Variants in SNTB2 observed in about 807,000 individuals in gnomAD.
SNTB2 encodes syntrophin beta 2, also known as beta-2-syntrophin.
A neutral mutation model predicts 46.2 loss-of-function variants in SNTB2; 34 were observed. That is an observed-to-expected ratio of 0.74 (90% CI 0.56 to 0.98). SNTB2 has a LOEUF of 0.98. Ranked by LOEUF, SNTB2 falls within the 50% of genes least tolerant of loss-of-function variation. SNTB2 has a pLI of 0.00. For missense variants in SNTB2, 603 were observed against 731.4 expected (o/e 0.82, Z 2.02); for synonymous variants, 290 against 312.6 (o/e 0.93, Z 0.76).
chr16:69,214,526 T>C (rs866731027), intron 1 of SNTB2, among the ~76,000 whole-genome samples: 27 of 151,786 alleles, frequency 1.8e-4, no homozygotes, highest in African/African-American at 3.9e-4. Context: ...TATATGTACA[T>C]ATGTGTGTAT....
intron 3 of SNTB2, among the ~76,000 whole-genome samples, chr16:69,263,297 A>C (rs1181105925): frequency 5.9e-5 from 9 of 151,954 alleles, no homozygotes; most frequent in Admixed American, 5.9e-4. Flanking sequence ...TTTTGTAGAG[A>C]TAGGATCTCA....
In SNTB2 at chr16:69,304,580, AT is replaced by A. The variant is rs1210803550; in HGVS notation, c.*3659del. Reference sequence around the variant, plus strand: ...AACATTATTACTGATTGTTTTCCTAATTTATCCTCCTAAGTTGAATGGTAAC... The same window carrying A: ...AACATTATTACTGATTGTTTTCCTAATTATCCTCCTAAGTTGAATGGTAAC... On this transcript the variant is annotated 3_prime_UTR_variant, in exon 7 of 7. Coordinates refer to ENST00000336278, the MANE Select transcript of SNTB2 (RefSeq NM_006750.4). The A allele has an allele frequency of 6.6e-6, 1 of 152,348 alleles. No homozygotes were observed. Among genetic ancestry groups the A allele is most frequent in the Admixed American group, 6.5e-5 (1 of 15,276 alleles). 9.4% of individuals were successfully genotyped at this position (152,348 alleles called of 1,614,324 possible).
chr16:69,202,065 T>C (rs1188378078), intron 1 of SNTB2, among the ~76,000 whole-genome samples: 1 of 152,196 alleles, frequency 6.6e-6, no homozygotes, highest in East Asian at 1.9e-4. Context: ...GTGTCTGTGA[T>C]GTTTAGCTGT....
At chr16:69,212,400 G>A (rs908000503) in intron 1 of SNTB2, among the ~76,000 whole-genome samples, 6 of 152,012 alleles carry the variant, frequency 3.9e-5, no homozygotes, top group East Asian at 3.9e-4. Context: ...CTGCAGTGGC[G>A]TGATCTCAGC....
rs1965272272 is a variant in SNTB2 at position 69,300,900 on chromosome 16, C to T, written c.1599C>T (p.Val533=). 2.5e-6 allele frequency: 4 copies of T among 1,612,828 alleles called. No individual in the cohort carries two copies. The highest frequency in any genetic ancestry group is 3.4e-6 in the Non-Finnish European group (4 of 1,179,040). The change falls in exon 7 of 7, where the codon GTC becomes GTT. Residue 533 remains valine, a synonymous_variant. Transcript: ENST00000336278. ...TGCACACGTTTTTATCGGCCAAAGT[C>T]ACTCGTATGGGACTGCTTGTATGAG... ...FVLHTFLSAK[V]TRMGLLV
At chr16:69,216,684 C>T (rs1486518116) in intron 1 of SNTB2, among the ~76,000 whole-genome samples, 1 of 142,072 alleles carries the variant, frequency 7.0e-6, no homozygotes, top group Non-Finnish European at 1.5e-5. Context: ...TGAGACCCTG[C>T]CCCCCCCCCA....
rs1830342079 is a variant in SNTB2, at chr16:69,307,850, T to C, written c.*6926T>C. 6.6e-6 allele frequency: 1 copy of C among 152,154 alleles called. No homozygotes were observed. The highest frequency in any genetic ancestry group is 2.1e-4 in the South Asian group (1 of 4,824). 9.4% of individuals were successfully genotyped at this position (152,154 alleles called of 1,614,324 possible). On this transcript the variant is annotated 3_prime_UTR_variant, in exon 7 of 7. Transcript: ENST00000336278. ...ATAAAAATTAACAAAATTTCACTTA[T>C]TCCAGGACACGCTGGCATTTGGACT... is the stretch of plus-strand genomic sequence containing the variant.
At chr16:69,233,851 C>T (rs1242057805) in intron 1 of SNTB2, among the ~76,000 whole-genome samples, 2 of 151,960 alleles carry the variant, frequency 1.3e-5, no homozygotes, top group Non-Finnish European at 2.9e-5. Flanking sequence ...GTGGTGCATA[C>T]CTGTAGTCCT....
intron 5 of SNTB2, among the ~76,000 whole-genome samples, chr16:69,295,514 C>T (rs535698080): frequency 3.3e-5 from 5 of 151,962 alleles, no homozygotes; most frequent in Non-Finnish European, 7.4e-5. Context: ...TCCCAAAGTG[C>T]TGGGATTACA....
intron 1 of SNTB2, among the ~76,000 whole-genome samples, chr16:69,205,307 G>A (rs1167177524): frequency 2.0e-5 from 3 of 147,626 alleles, no homozygotes; most frequent in Non-Finnish European, 4.5e-5. Context: ...GCGCCACCAC[G>A]CTTGGCAAAT....
rs1965315607 is a variant in SNTB2, at chr16:69,306,251, T to G, written c.*5327T>G. The G allele has an allele frequency of 6.6e-6, 1 of 152,212 alleles. No individual in the cohort carries two copies. 9.4% of individuals were successfully genotyped at this position (152,212 alleles called of 1,614,324 possible). On this transcript the variant is annotated 3_prime_UTR_variant, in exon 7 of 7. Coordinates refer to ENST00000336278, the MANE Select transcript of SNTB2 (RefSeq NM_006750.4). ...TTTGTTTTTGGTTTTGGTTTTGTTT[T>G]TTTTTGTCTCTCTGACTAGCTAAAC...
chr16:69,282,437 T>C (rs879589058), intron 4 of SNTB2, among the ~76,000 whole-genome samples: 14 of 152,154 alleles, frequency 9.2e-5, no homozygotes, highest in Admixed American at 7.9e-4. Context: ...TTCTGTTCCA[T>C]TGATCAATTT....
intron 1 of SNTB2, among the ~76,000 whole-genome samples, chr16:69,204,385 A>C (rs955550530): frequency 6.6e-6 from 1 of 152,216 alleles, no homozygotes; most frequent in Admixed American, 6.5e-5. Flanking sequence ...GTTGTGTGCC[A>C]TCAGGTCTTA....
At chr16:69,218,448 G>GT (rs992696320) in intron 1 of SNTB2, among the ~76,000 whole-genome samples, 1 of 149,682 alleles carries the variant, frequency 6.7e-6, no homozygotes, top group Non-Finnish European at 1.5e-5. Flanking sequence ...TTGAGATGGA[G>GT]TATCACTTTG....
At chr16:69,227,286 C>A (rs1964468396) in intron 1 of SNTB2, among the ~76,000 whole-genome samples, 1 of 152,162 alleles carries the variant, frequency 6.6e-6, no homozygotes, top group Admixed American at 6.6e-5. Context: ...ATTAGTGATT[C>A]CAGCTATGAA....
intron 1 of SNTB2, among the ~76,000 whole-genome samples, chr16:69,208,129 G>C (rs572895522): frequency 2.7e-4 from 35 of 131,312 alleles, no homozygotes; most frequent in Non-Finnish European, 4.0e-4. Flanking sequence ...AAAAAAAGCC[G>C]GGCACGGTGG....
intron 1 of SNTB2, among the ~76,000 whole-genome samples, chr16:69,234,605 A>C (rs1256276376): frequency 6.6e-6 from 1 of 152,186 alleles, no homozygotes; most frequent in African/African-American, 2.4e-5. Flanking sequence ...CAGCCAATAA[A>C]GATTAGCTTT....
rs993339360 is a variant in SNTB2, at chr16:69,308,894, A to G, written c.*7970A>G. ...TTTTAAAAAGCTTTATGTATACTCTATAAATATAGATGCATAAACAACACT... is the reference window on the plus strand; with the variant it reads ...TTTTAAAAAGCTTTATGTATACTCTGTAAATATAGATGCATAAACAACACT... On this transcript the variant is annotated 3_prime_UTR_variant, in exon 7 of 7. Coordinates refer to ENST00000336278, the MANE Select transcript of SNTB2 (RefSeq NM_006750.4). 2.6e-5 allele frequency: 4 copies of G among 152,592 alleles called. No individual in the cohort carries two copies. Among genetic ancestry groups the G allele is most frequent in the Admixed American group, 1.3e-4 (2 of 15,278 alleles). The allele number at this position is 152,592 out of a possible 1,614,324, so 9.5% of individuals were successfully genotyped here.
At chr16:69,235,177 A>G (rs892826937) in intron 1 of SNTB2, among the ~76,000 whole-genome samples, 2 of 149,988 alleles carry the variant, frequency 1.3e-5, no homozygotes, top group Non-Finnish European at 3.0e-5. Context: ...ATGCCCAGCT[A>G]ATTTTTTTTT....
Sources: gnomAD v4.1 joint callset for allele counts (sites outside exome capture counted in the v4.1 genomes callset) on GRCh38, gnomAD v4.1.1 for gene constraint, MANE v1.5 for transcripts, NCBI Gene and HGNC (gene_info 2026-07-23, HGNC 2026-07-21) for gene names.